The following HAVCR1 variants were observed in gnomAD, a reference collection of about 807,000 sequenced individuals.
HAVCR1 encodes T cell immunoglobin domain and mucin domain protein 1.
Under a neutral mutation model 32.0 loss-of-function variants are expected in HAVCR1, and 34 were observed. The ratio of observed to expected loss-of-function variants is 1.06; its 90% CI spans 0.81 to 1.42. HAVCR1 has a LOEUF of 1.42. Ranked by LOEUF, HAVCR1 falls within the 40% of genes most tolerant of loss-of-function variation. The pLI is 0.00. For synonymous variants in HAVCR1, 178 were observed against 170.3 expected (o/e 1.05, Z -0.35); for missense variants, 420 against 442.3 (o/e 0.95, Z 0.45).
rs1270695955 is a variant in HAVCR1 at position 157,058,961 on chromosome 5, C to G, written c.-53G>C. 1 of 152,182 alleles carries G rather than the reference C, an allele frequency of 6.6e-6. No individual in the cohort carries two copies. Among genetic ancestry groups the G allele is most frequent in the Non-Finnish European group, 1.5e-5 (1 of 68,040 alleles). The allele number at this position is 152,182 out of a possible 1,614,324, so 9.4% of individuals were successfully genotyped here. On this transcript the variant is annotated 5_prime_UTR_variant, in exon 1 of 9. Transcript: ENST00000523175. ...CTGTCACTCACAATGCTGGGTAACC[C>G]TGAGAGTTCCTGAGTTCTCTTCAAA...
intron 2 of HAVCR1, among the ~76,000 whole-genome samples, chr5:157,056,732 TAC>T (rs1225769891): frequency 6.6e-6 from 1 of 152,132 alleles, no homozygotes; most frequent in Non-Finnish European, 1.5e-5. Flanking sequence ...TTTTTTGGAT[TAC>T]ACATATAATG....
Position 157,037,378 on chromosome 5 carries a change from A to T in HAVCR1, c.838-17T>A. ...GAACAGTTGCTGAGGAAACAACAACAGATCAAAAAAGCATCTTGTTAGAAA... is the reference window on the plus strand; with the variant it reads ...GAACAGTTGCTGAGGAAACAACAACTGATCAAAAAAGCATCTTGTTAGAAA... On this transcript the variant is annotated splice_polypyrimidine_tract_variant and intron_variant, in intron 6 of 8. Coordinates refer to ENST00000523175, the MANE Select transcript of HAVCR1 (RefSeq NM_001173393.3). The T allele has an allele frequency of 9.5e-7, 1 of 1,049,416 alleles. No homozygotes were observed. The highest frequency in any genetic ancestry group is 2.4e-5 in the East Asian group (1 of 42,224). 65.0% of individuals were successfully genotyped at this position (1,049,416 alleles called of 1,614,324 possible).
chr5:157,032,956 T>C (rs954714658), intron 7 of HAVCR1, 69 bp from the exon 8 acceptor site: 1 of 960,672 alleles, frequency 1.0e-6, no homozygotes, highest in Non-Finnish European at 1.6e-6. Context: ...GTTTTAATCT[T>C]TTTTTCAATC....
rs376760776 is a variant in HAVCR1 at position 157,055,511 on chromosome 5, C to A, written c.69G>T (p.Lys23Asn). The A allele has an allele frequency of 3.2e-6, 5 of 1,584,026 alleles. No homozygotes were observed. The highest frequency in any genetic ancestry group is 1.7e-4 in the Middle Eastern group (1 of 5,888). The change falls in exon 3 of 9, where the codon AAG becomes AAT. Residue 23 changes from lysine to asparagine, a missense_variant. Coordinates refer to ENST00000523175, the MANE Select transcript of HAVCR1 (RefSeq NM_001173393.3). ...CAGATGGACCTGCCTCTCCACCAAC[C>A]TTTACAGAACCAGCTACAGAATCTG... ...HLADSVAGSV[K>N]VGGEAGPSVT...
intron 6 of HAVCR1, among the ~76,000 whole-genome samples, chr5:157,041,352 T>G (rs6555818): frequency 0.88 from 133,880 of 152,102 alleles, 59,028 homozygotes; most frequent in East Asian, 0.99. Context: ...ACAAAAATTA[T>G]CCAGGTATGG....
intron 5 of HAVCR1, among the ~76,000 whole-genome samples, chr5:157,043,244 A>C (rs1301859717): frequency 1.3e-5 from 2 of 152,226 alleles, no homozygotes; most frequent in Non-Finnish European, 1.5e-5. Flanking sequence ...AAAATATGGC[A>C]GCCACCAGAT....
chr5:157,042,064 A>C (rs1212585818), intron 6 of HAVCR1, among the ~76,000 whole-genome samples: 2 of 137,316 alleles, frequency 1.5e-5, no homozygotes, highest in South Asian at 5.5e-4. Flanking sequence ...GTCTCAAAAA[A>C]TTAGCTCATT....
upstream of HAVCR1, among the ~76,000 whole-genome samples, chr5:157,063,118 T>C (rs1052024501): frequency 1.6e-5 from 2 of 127,480 alleles, no homozygotes; most frequent in African/African-American, 5.8e-5. Flanking sequence ...CGAGATTCTG[T>C]CTCAAAAAAA....
upstream of HAVCR1, among the ~76,000 whole-genome samples, chr5:157,061,255 G>A (rs893042423): frequency 5.9e-5 from 9 of 152,114 alleles, no homozygotes; most frequent in African/African-American, 2.2e-4. Context: ...GAGCCCAGGA[G>A]ACAGTCTTCG....
chr5:157,068,454 A>G, the HAVCR1 span, among the ~76,000 whole-genome samples: 1 of 151,068 alleles, frequency 6.6e-6, no homozygotes, highest in Non-Finnish European at 1.5e-5. Context: ...GGGCATGGTG[A>G]TGCACTCCTG....
chr5:157,063,145 G>A (rs1271776195), upstream of HAVCR1, among the ~76,000 whole-genome samples: 2 of 150,586 alleles, frequency 1.3e-5, no homozygotes, highest in Non-Finnish European at 3.0e-5. Context: ...AAGAAAGAAA[G>A]AAAGAAAGAA....
intron 7 of HAVCR1, among the ~76,000 whole-genome samples, chr5:157,036,760 C>G (rs1411067782): frequency 6.6e-6 from 1 of 152,078 alleles, no homozygotes; most frequent in Admixed American, 6.6e-5. Context: ...TGGTTTTGAA[C>G]TCCTGGGCTC....
chr5:157,044,649 GAAAGAAAGAAAGAA>G (rs1561591499), intron 5 of HAVCR1, among the ~76,000 whole-genome samples: 1 of 117,478 alleles, frequency 8.5e-6, no homozygotes, highest in African/African-American at 3.7e-5. Flanking sequence ...AAGAAAGAAA[GAAAGAAAGAAAGAA>G]AGAAAGAAAG....
intron 7 of HAVCR1, among the ~76,000 whole-genome samples, chr5:157,036,201 G>A (rs755449400): frequency 2.6e-5 from 4 of 152,112 alleles, no homozygotes; most frequent in African/African-American, 7.2e-5. Flanking sequence ...AAATTCGGCC[G>A]GGCGTGGTGG....
intron 5 of HAVCR1, among the ~76,000 whole-genome samples, chr5:157,044,676 A>AGAAAGAAAGAAAGAAAGAAG (rs142603344): frequency 9.1e-6 from 1 of 109,454 alleles, no homozygotes; most frequent in African/African-American, 3.1e-5. Flanking sequence ...AAAGAAAGAA[A>AGAAAGAAAGAAAGAAAGAAG]GGAGGGAGGG....
chr5:157,040,799 C>G (rs951273334), intron 6 of HAVCR1, among the ~76,000 whole-genome samples: 6 of 152,100 alleles, frequency 3.9e-5, no homozygotes, highest in Admixed American at 1.3e-4. Flanking sequence ...ACTGGGGAGG[C>G]TGAGGCACAA....
In HAVCR1 at chr5:157,037,278, A is replaced by C. The variant is rs1581683466; in HGVS notation, c.921T>G (p.Leu307=). ...CAATGATGACACCCAAAAGAGCAAG[A>C]AGCACCAAGACAGAAATACAGACTC... ...YAGVCISVLV[L]LALLGVIIAK... The change falls in exon 7 of 9, where the codon CTT becomes CTG. Residue 307 remains leucine (L), a synonymous_variant. Transcript: ENST00000523175. 6.2e-7 allele frequency: 1 copy of C among 1,602,074 alleles called. No homozygotes were observed. The highest frequency in any genetic ancestry group is 8.6e-7 in the Non-Finnish European group (1 of 1,168,994).
intron 7 of HAVCR1, among the ~76,000 whole-genome samples, chr5:157,034,123 C>G (rs1360159436): frequency 6.6e-6 from 1 of 152,042 alleles, no homozygotes; most frequent in Non-Finnish European, 1.5e-5. Flanking sequence ...AAGGGACCGG[C>G]GCTCAGCATA....
the HAVCR1 span, among the ~76,000 whole-genome samples, chr5:157,065,753 G>C: frequency 6.6e-6 from 1 of 152,078 alleles, no homozygotes; most frequent in Non-Finnish European, 1.5e-5. Context: ...TACTCAGGAG[G>C]CTGAGGCAGG....
Sources: gnomAD v4.1 joint callset for allele counts (sites outside exome capture counted in the v4.1 genomes callset) on GRCh38, gnomAD v4.1.1 for gene constraint, MANE v1.5 for transcripts, NCBI Gene and HGNC (gene_info 2026-07-23, HGNC 2026-07-21) for gene names.